Variants in ADAM15 observed in about 807,000 individuals in gnomAD.
ADAM15 encodes the protein disintegrin and metalloproteinase domain-containing protein 15.
A neutral mutation model predicts 113.8 loss-of-function variants in ADAM15; 77 were observed. That is an observed-to-expected ratio of 0.68 (90% CI 0.56 to 0.82). The LOEUF (loss-of-function observed/expected upper bound fraction) is 0.82, where lower values mean the gene tolerates loss of function less well. Among genes scored for constraint, ADAM15 ranks in the 40% least tolerant of loss-of-function variants. ADAM15 has a pLI of 0.00. For missense variants in ADAM15, 963 were observed against 1,120.1 expected (o/e 0.86, Z 2.00); for synonymous variants, 388 against 454.1 (o/e 0.85, Z 1.85).
chr1:155,061,984 G>A lies in ADAM15; in HGVS notation c.2424+9G>A. 3 of 1,575,656 alleles carry A rather than the reference G, an allele frequency of 1.9e-6. No homozygotes were observed. The highest frequency in any genetic ancestry group is 1.8e-5 in the Admixed American group (1 of 55,458). ...TGGTGAGAAGCCCGAAGGTAACGGTGGGGGGAGAGAAGGGCACGGCCTCTC... is the reference window on the plus strand; with the variant it reads ...TGGTGAGAAGCCCGAAGGTAACGGTAGGGGGAGAGAAGGGCACGGCCTCTC... On this transcript the variant is annotated intron_variant, in intron 21 of 22. Coordinates refer to ENST00000356955, the MANE Select transcript of ADAM15 (RefSeq NM_207197.3).
In ADAM15 at chr1:155,058,282, T is replaced by C. The variant is rs1308739898; in HGVS notation, c.1758T>C (p.Gly586=). Residue 586 remains glycine (G), a synonymous_variant, in exon 15 of 23, where the codon GGT becomes GGC. Transcript: ENST00000356955. The surrounding 1 kb of genome is among the most constrained non-coding windows in gnomAD (Gnocchi z 4.3). Reference sequence around the variant, plus strand: ...GTGGGCAGCTCCAGTGCCAGACAGGTAGGACCCAGCCTCTGCTGGGCTCCA... The same window carrying C: ...GTGGGCAGCTCCAGTGCCAGACAGGCAGGACCCAGCCTCTGCTGGGCTCCA... ...AICGQLQCQT[G]RTQPLLGSIR... The C allele has an allele frequency of 6.2e-7, 1 of 1,614,068 alleles. No homozygotes were observed.
At position 155,061,938 on chromosome 1, in the gene ADAM15, G is replaced by A. The variant is rs568276581; in HGVS notation, c.2387G>A (p.Arg796His). The change falls in exon 21 of 23, where the codon CGC (arginine) becomes CAC (histidine). Residue 796 changes from arginine to histidine, a missense_variant. By Grantham distance (29) the Arg-to-His change is conservative (BLOSUM62 0). Transcript: ENST00000356955. Reference protein sequence around the residue: ...ELADRPNPPTRPLPADPVVRS... With the variant: ...ELADRPNPPTHPLPADPVVRS... ...GCTGACCGACCCAATCCCCCTACCC[G>A]CCCTCTGCCCGCTGACCCGGTGGTG... 10 of 1,582,144 alleles carry A rather than the reference G, an allele frequency of 6.3e-6. No individual in the cohort carries two copies. The highest frequency in any genetic ancestry group is 1.8e-5 in the Admixed American group (1 of 56,396).
At chr1:155,053,584 T>C in intron 3 of ADAM15, 91 bp downstream of exon 3, 1 of 1,336,376 alleles carries the variant, frequency 7.5e-7, no homozygotes, top group Non-Finnish European at 1.1e-6. Flanking sequence ...TTGTGCTCAT[T>C]TAATCCTCAT....
intron 6 of ADAM15, 93 bp downstream of exon 6, chr1:155,054,599 T>G: frequency 1.5e-6 from 2 of 1,335,230 alleles, no homozygotes; most frequent in South Asian, 1.7e-5. Context: ...CAACAGCTCC[T>G]GCGAATGGAG....
rs1018507938 is a variant in ADAM15 at position 155,062,327 on chromosome 1, C to G, written c.2507C>G (p.Pro836Arg). 17 of 1,538,486 alleles carry G rather than the reference C, an allele frequency of 1.1e-5. No homozygotes were observed. In the Admixed American group the frequency reaches 2.7e-4, roughly 25 times the overall value. The part of the protein sequence containing the change: ...PQGRCPSGDL[P>R]GPGAGIPPLV... ...GGCCGGTGCCCATCGGGTGACCTGCCCGGCCCAGGGGCTGGAATCCCGCCC... is the reference window on the plus strand; with the variant it reads ...GGCCGGTGCCCATCGGGTGACCTGCGCGGCCCAGGGGCTGGAATCCCGCCC... Residue 836 changes from proline (P) to arginine (R), a missense_variant, in exon 22 of 23, where the codon CCC becomes CGC. Coordinates refer to ENST00000356955, the MANE Select transcript of ADAM15 (RefSeq NM_207197.3). This position sits in a 1 kb window ranked among gnomAD's most constrained non-coding sequence, Gnocchi z 7.0.
chr1:155,057,320 G>A lies in ADAM15; in HGVS notation c.1281G>A (p.Met427Ile). 1 of 1,614,218 alleles carries A rather than the reference G, an allele frequency of 6.2e-7. No individual in the cohort carries two copies. The highest frequency in any genetic ancestry group is 8.5e-7 in the Non-Finnish European group (1 of 1,180,036). The change falls in exon 12 of 23, where the codon ATG becomes ATA. Residue 427 changes from methionine to isoleucine, a missense_variant. Physicochemically the swap from Met to Ile is conservative, Grantham distance 10. Coordinates refer to ENST00000356955, the MANE Select transcript of ADAM15 (RefSeq NM_207197.3). This position sits in a 1 kb window ranked among gnomAD's most constrained non-coding sequence, Gnocchi z 5.0. ...CTATGGCTGCTTTCTGCGGAAATAT[G>A]TTTGTGGAGCCGGGCGAGCAGTGTG... is the stretch of plus-strand genomic sequence containing the variant. ...LPPMAAFCGN[M>I]FVEPGEQCDC...
At chr1:155,054,066 A>G in intron 4 of ADAM15, 78 bp downstream of exon 4, 1 of 1,612,214 alleles carries the variant, frequency 6.2e-7, no homozygotes, top group South Asian at 1.1e-5. Flanking sequence ...AGGACACTGC[A>G]TATTTTTACC....
chr1:155,060,573 G>T (rs1662431803), intron 18 of ADAM15, among the ~76,000 whole-genome samples, 190 bp from the exon 19 acceptor site: 3 of 152,120 alleles, frequency 2.0e-5, no homozygotes, highest in Admixed American at 6.5e-5. Context: ...CTCCCCAGGA[G>T]CCCCTGTGCT....
chr1:155,061,410 C>A lies in ADAM15; in HGVS notation c.2278-5C>A. ...TGTGCCTATCTGCCCCTCCTGCCCT[C>A]TCAGCAGGCTAGTGCTCTCAGCTTC... On this transcript the variant is annotated splice_region_variant and splice_polypyrimidine_tract_variant and intron_variant, in intron 19 of 22. Transcript: ENST00000356955. 6.2e-7 allele frequency: 1 copy of A among 1,613,088 alleles called. No homozygotes were observed. The highest frequency in any genetic ancestry group is 8.5e-7 in the Non-Finnish European group (1 of 1,179,544).
chr1:155,053,593 A>G lies in ADAM15; in HGVS notation c.263+100A>G, dbSNP rs1005819307. 5 of 1,224,414 alleles carry G rather than the reference A, an allele frequency of 4.1e-6. No individual in the cohort carries two copies. In the African/African-American group the frequency reaches 4.5e-5, roughly 11 times the overall value. 75.8% of individuals were successfully genotyped at this position (1,224,414 alleles called of 1,614,324 possible). On this transcript the variant is annotated intron_variant, in intron 3 of 22. Coordinates refer to ENST00000356955, the MANE Select transcript of ADAM15 (RefSeq NM_207197.3). Reference sequence around the variant, plus strand: ...AAGTGCTTGTGCTCATTTAATCCTCATAACAGCCCTATAAGGGATATACTA... The same window carrying G: ...AAGTGCTTGTGCTCATTTAATCCTCGTAACAGCCCTATAAGGGATATACTA...
At chr1:155,052,632 T>C (rs1159795381) in intron 1 of ADAM15, 39 bp from the exon 2 acceptor site, 1 of 1,569,760 alleles carries the variant, frequency 6.4e-7, no homozygotes. Flanking sequence ...CTGCTGTCGA[T>C]TCCCTCAGTA....
Position 155,052,721 on chromosome 1 carries a change from T to G in ADAM15, c.130T>G (p.Leu44Val), listed in dbSNP as rs1385611371. The G allele has an allele frequency of 6.2e-7, 1 of 1,612,440 alleles. No homozygotes were observed. Among genetic ancestry groups the G allele is most frequent in the Non-Finnish European group, 8.5e-7 (1 of 1,179,596 alleles). ...GTCAGAGAAGGCCCCGAGGGAGCCC[T>G]TGGAGCCCCAGGTCCTTCAGGACGA... ...AESEKAPREP[L>V]EPQVLQDDLP... is the part of the protein sequence containing the mutation. Residue 44 changes from leucine to valine, a missense_variant, in exon 2 of 23, where the codon TTG becomes GTG. By Grantham distance (32) the Leu-to-Val change is conservative. Coordinates refer to ENST00000356955, the MANE Select transcript of ADAM15 (RefSeq NM_207197.3).
chr1:155,062,302 G>T lies in ADAM15; in HGVS notation c.2482G>T (p.Gly828Cys). The T allele has an allele frequency of 6.7e-7, 1 of 1,498,060 alleles. No homozygotes were observed. The highest frequency in any genetic ancestry group is 2.3e-4 in the Middle Eastern group (1 of 4,422). 92.8% of individuals were successfully genotyped at this position (1,498,060 alleles called of 1,614,324 possible). Reference sequence around the variant, plus strand: ...GAAGCCACTGCCTGCCGACCCCCAGGGCCGGTGCCCATCGGGTGACCTGCC... The same window carrying T: ...GAAGCCACTGCCTGCCGACCCCCAGTGCCGGTGCCCATCGGGTGACCTGCC... Reference protein sequence around the residue: ...PRKPLPADPQGRCPSGDLPGP... With the variant: ...PRKPLPADPQCRCPSGDLPGP... The change falls in exon 22 of 23, where the codon GGC becomes TGC. Residue 828 changes from glycine to cysteine, a missense_variant. Coordinates refer to ENST00000356955, the MANE Select transcript of ADAM15 (RefSeq NM_207197.3). The surrounding 1 kb of genome is among the most constrained non-coding windows in gnomAD (Gnocchi z 7.0).
At position 155,057,471 on chromosome 1, in the gene ADAM15, C is replaced by G; in HGVS notation, c.1323+109C>G. ...CTTGGGTTCTGAAGGGACTTTCCAC[C>G]CCTCTCCTACTTGCCCTGTCTGTGG... On this transcript the variant is annotated intron_variant, in intron 12 of 22. Transcript: ENST00000356955. This position sits in a 1 kb window ranked among gnomAD's most constrained non-coding sequence, Gnocchi z 5.0. 6.6e-7 allele frequency: 1 copy of G among 1,513,946 alleles called. No individual in the cohort carries two copies. The highest frequency in any genetic ancestry group is 9.0e-7 in the Non-Finnish European group (1 of 1,108,506). The allele number at this position is 1,513,946 out of a possible 1,614,324, so 93.8% of individuals were successfully genotyped here. A position where few individuals can be genotyped will look rare whatever the true frequency, so the allele number is the denominator to read the frequency against.
At chr1:155,052,883 A>G in intron 2 of ADAM15, 106 bp downstream of exon 2, 3 of 1,443,108 alleles carry the variant, frequency 2.1e-6, no homozygotes, top group Non-Finnish European at 1.9e-6. Context: ...GGTAGAGCTC[A>G]CTGTAGTGGG....
chr1:155,052,290 C>A, intron 1 of ADAM15: 1 of 564,122 alleles, frequency 1.8e-6, no homozygotes, highest in Non-Finnish European at 3.1e-6. Context: ...GGTGAGCGGG[C>A]ACCCGGCCAC....
Position 155,057,962 on chromosome 1 carries a change from G to A in ADAM15, c.1528G>A (p.Glu510Lys), listed in dbSNP as rs926699405. 1.1e-5 allele frequency: 17 copies of A among 1,612,586 alleles called. No homozygotes were observed. The highest frequency in any genetic ancestry group is 6.7e-5 in the African/African-American group (5 of 74,944). ...CPPDVSLGDG[E>K]PCAGGQAVCM... Reference sequence around the variant, plus strand: ...CCCTGATGTCAGCCTAGGGGATGGCGAGCCCTGCGCTGGCGGGCAAGCTGT... The same window carrying A: ...CCCTGATGTCAGCCTAGGGGATGGCAAGCCCTGCGCTGGCGGGCAAGCTGT... The change falls in exon 14 of 23, where the codon GAG becomes AAG. Residue 510 changes from glutamate (E) to lysine (K), a missense_variant. Physicochemically the swap from Glu to Lys is moderately conservative, Grantham distance 56 (BLOSUM62 1). Transcript: ENST00000356955. The surrounding 1 kb of genome is among the most constrained non-coding windows in gnomAD (Gnocchi z 5.0).
At chr1:155,052,526 TTAAG>T (rs1387272720) in intron 1 of ADAM15, 141 bp from the exon 2 acceptor site, 3 of 1,546,560 alleles carry the variant, frequency 1.9e-6, no homozygotes, top group African/African-American at 2.7e-5. Context: ...GTATTCTTCT[TTAAG>T]TCTCAGCATG....
chr1:155,057,765 C>A lies in ADAM15; in HGVS notation c.1416+36C>A. On this transcript the variant is annotated intron_variant, in intron 13 of 22. Coordinates refer to ENST00000356955, the MANE Select transcript of ADAM15 (RefSeq NM_207197.3). The surrounding 1 kb of genome is among the most constrained non-coding windows in gnomAD (Gnocchi z 5.0). ...ACTAGACTGGCCACCCGGAGCTCAC[C>A]TGCCGGGGCCAAGGTGGAAAGGGTC... The A allele has an allele frequency of 1.2e-6, 2 of 1,614,052 alleles. No individual in the cohort carries two copies. The highest frequency in any genetic ancestry group is 1.7e-6 in the Non-Finnish European group (2 of 1,179,884).
Sources: gnomAD v4.1 joint callset for allele counts (sites outside exome capture counted in the v4.1 genomes callset) on GRCh38, gnomAD v4.1.1 for gene constraint, Gnocchi (gnomAD v3.1) non-coding constraint, MANE v1.5 for transcripts, NCBI Gene and HGNC (gene_info 2026-07-23, HGNC 2026-07-21) for gene names.